SLC25A25: variants seen among roughly 807,000 people sequenced by gnomAD.
The protein encoded by SLC25A25 is solute carrier family 25 member 25, also known as mitochondrial adenyl nucleotide antiporter SLC25A25.
SLC25A25 carries 32 observed loss-of-function variants against 57.7 expected under a neutral mutation model. The ratio of observed to expected loss-of-function variants is 0.55; its 90% CI spans 0.42 to 0.74. SLC25A25 has a LOEUF of 0.74. SLC25A25 is among the 30% of genes least tolerant of loss of function. The probability of loss-of-function intolerance (pLI) is 0.00; values close to 1 mark genes in which losing one functional copy is unlikely to be tolerated. For missense variants in SLC25A25, 556 were observed against 701.3 expected (o/e 0.79, Z 2.34); for synonymous variants, 306 against 291.2 (o/e 1.05, Z -0.52).
chr9:128,096,461 A>G (rs930024391), intron 1 of SLC25A25, among the ~76,000 whole-genome samples: 2 of 152,220 alleles, frequency 1.3e-5, no homozygotes, highest in Non-Finnish European at 2.9e-5. Flanking sequence ...GTAAGCCGAG[A>G]TCGTGCCACT....
rs1311078288 is a variant in SLC25A25 at position 128,108,777 on chromosome 9, TG to T, written c.*1335del. On this transcript the variant is annotated 3_prime_UTR_variant, in exon 11 of 11. Coordinates refer to ENST00000373069, the MANE Select transcript of SLC25A25 (RefSeq NM_001330988.2). ...GGCAGCAGCCCTGGCTCCTTTCCTT[TG>T]GCAGGTTGGGGAAGGGCTTGCCCCC... is the stretch of plus-strand genomic sequence containing the variant. The T allele has an allele frequency of 6.6e-6, 1 of 152,276 alleles. No homozygotes were observed. Among genetic ancestry groups the T allele is most frequent in the Non-Finnish European group, 1.5e-5 (1 of 68,078 alleles). 9.4% of individuals were successfully genotyped at this position (152,276 alleles called of 1,614,324 possible). A position where few individuals can be genotyped will look rare whatever the true frequency, so the allele number is the denominator to read the frequency against.
At chr9:128,075,038 G>A (rs1236439149) in intron 1 of SLC25A25, among the ~76,000 whole-genome samples, 1 of 152,194 alleles carries the variant, frequency 6.6e-6, no homozygotes, top group Non-Finnish European at 1.5e-5. Context: ...TACTCAAGAG[G>A]CTGAGGGAAA....
intron 1 of SLC25A25, chr9:128,091,328 G>A: frequency 1.6e-6 from 1 of 611,788 alleles, no homozygotes; most frequent in Non-Finnish European, 2.0e-6. Flanking sequence ...CTTCATGCAG[G>A]CAATCAGCTG....
At chr9:128,091,492 G>C (rs1438169528) in intron 1 of SLC25A25, 1 of 988,110 alleles carries the variant, frequency 1.0e-6, no homozygotes, top group South Asian at 4.7e-5. Flanking sequence ...CTGGGAGCTC[G>C]AAGTTGCTTG....
At chr9:128,088,617 A>G (rs185476427) in intron 1 of SLC25A25, among the ~76,000 whole-genome samples, 2 of 152,326 alleles carry the variant, frequency 1.3e-5, no homozygotes, top group East Asian at 3.9e-4. Context: ...TACATTGTAT[A>G]CATTTCTCAG....
intron 1 of SLC25A25, among the ~76,000 whole-genome samples, chr9:128,080,349 C>CAATAA (rs1404276133): frequency 9.2e-6 from 1 of 108,660 alleles, no homozygotes; most frequent in South Asian, 3.0e-4. Context: ...GACTCCATCC[C>CAATAA]AAAAAAAAAA....
Position 128,107,191 on chromosome 9 carries a change from C to T in SLC25A25, c.1363+12C>T. The T allele has an allele frequency of 6.2e-7, 1 of 1,613,582 alleles. No individual in the cohort carries two copies. The highest frequency in any genetic ancestry group is 8.5e-7 in the Non-Finnish European group (1 of 1,179,916). On this transcript the variant is annotated intron_variant, in intron 10 of 10. Coordinates refer to ENST00000373069, the MANE Select transcript of SLC25A25 (RefSeq NM_001330988.2). The stretch of plus-strand genomic sequence containing the variant: ...GATGCAGGCGCAAGGTAAGGCTGGC[C>T]CTGGACAGTCCCCTGGGAGGTCGGG...
chr9:128,069,247 G>A (rs550407985), intron 1 of SLC25A25, among the ~76,000 whole-genome samples: 4 of 152,288 alleles, frequency 2.6e-5, no homozygotes, highest in Admixed American at 2.0e-4. Context: ...GTGGGCTCTT[G>A]GCCGAGGTGT....
intron 1 of SLC25A25, among the ~76,000 whole-genome samples, chr9:128,072,880 T>C (rs1039630671): frequency 6.6e-6 from 1 of 152,194 alleles, no homozygotes; most frequent in South Asian, 2.1e-4. Context: ...AGGCAGCCAA[T>C]TAGAGGAAGA....
rs1475356173 is a variant in SLC25A25 at position 128,107,336 on chromosome 9, G to A, written c.1440G>A (p.Gly480=). 1.3e-6 allele frequency: 2 copies of A among 1,544,352 alleles called. No individual in the cohort carries two copies. The highest frequency in any genetic ancestry group is 1.8e-6 in the Non-Finnish European group (2 of 1,141,350). ...KHILRTEGAF[G]LYRGLAPNFM... ...TCCTGCGGACCGAGGGGGCCTTCGG[G>A]CTGTACAGGGGGCTGGCCCCCAACT... Residue 480 remains glycine (G), a synonymous_variant, in exon 11 of 11, where the codon GGG becomes GGA. Coordinates refer to ENST00000373069, the MANE Select transcript of SLC25A25 (RefSeq NM_001330988.2).
rs530502443 is a variant in SLC25A25 at position 128,102,917 on chromosome 9, C to T, written c.624+436C>T. On this transcript the variant is annotated intron_variant, in intron 5 of 10. Transcript: ENST00000373069. The surrounding 1 kb of genome is among the most constrained non-coding windows in gnomAD (Gnocchi z 4.1). ...CACGGTCACACATTTGCTGCCCTCT[C>T]GCCCCCGTCCACTGTGGTTTCATGT... Among the ~76,000 whole-genome samples the T allele has an allele frequency of 3.0e-4, 45 of 152,292 alleles. No individual in the cohort carries two copies. The highest frequency in any genetic ancestry group is 5.3e-4 in the Non-Finnish European group (36 of 68,022).
At chr9:128,093,040 G>GCTTT (rs1833455376) in intron 1 of SLC25A25, among the ~76,000 whole-genome samples, 1 of 152,198 alleles carries the variant, frequency 6.6e-6, no homozygotes, top group Non-Finnish European at 1.5e-5. Flanking sequence ...GAGAAGAAAA[G>GCTTT]GAGATTCTGC....
In SLC25A25 at chr9:128,107,193, T is replaced by C. The variant is rs1249102613; in HGVS notation, c.1363+14T>C. On this transcript the variant is annotated intron_variant, in intron 10 of 10. Transcript: ENST00000373069. Reference sequence around the variant, plus strand: ...TGCAGGCGCAAGGTAAGGCTGGCCCTGGACAGTCCCCTGGGAGGTCGGGGG... The same window carrying C: ...TGCAGGCGCAAGGTAAGGCTGGCCCCGGACAGTCCCCTGGGAGGTCGGGGG... The C allele has an allele frequency of 2.5e-6, 4 of 1,613,532 alleles. No individual in the cohort carries two copies. Among genetic ancestry groups the C allele is most frequent in the African/African-American group, 2.7e-5 (2 of 75,048 alleles).
chr9:128,079,711 G>A (rs1005675361), intron 1 of SLC25A25, among the ~76,000 whole-genome samples: 3 of 151,140 alleles, frequency 2.0e-5, no homozygotes, highest in Non-Finnish European at 4.4e-5. Flanking sequence ...ACCCAGGAGG[G>A]GCCAGGCGCG....
chr9:128,075,935 T>C (rs1833001733), intron 1 of SLC25A25, among the ~76,000 whole-genome samples: 1 of 152,190 alleles, frequency 6.6e-6, no homozygotes, highest in Non-Finnish European at 1.5e-5. Flanking sequence ...CTGGTATTCA[T>C]TTCTTCATTT....
At chr9:128,070,619 G>T (rs536788602) in intron 1 of SLC25A25, among the ~76,000 whole-genome samples, 1 of 152,044 alleles carries the variant, frequency 6.6e-6, no homozygotes, top group African/African-American at 2.4e-5. Context: ...GTGAACTGGA[G>T]ATTTTCCTGT....
chr9:128,106,052 G>C, intron 7 of SLC25A25, 98 bp from the exon 8 acceptor site: 1 of 1,553,554 alleles, frequency 6.4e-7, no homozygotes, highest in South Asian at 1.1e-5. Context: ...ACATTTCTGG[G>C]TAGCATAAAA....
chr9:128,103,614 C>CCGCAA lies in SLC25A25; in HGVS notation c.625-67_625-66insCGCAA. ...GCCTGGAGCCGTGCTAGAGGGTAGA[C>CCGCAA]GGCGACAGGTGCCAGCAGCCTTGCC... On this transcript the variant is annotated intron_variant, in intron 5 of 10. Transcript: ENST00000373069. The surrounding 1 kb of genome is among the most constrained non-coding windows in gnomAD (Gnocchi z 6.7). 1 of 1,605,720 alleles carries CCGCAA rather than the reference C, an allele frequency of 6.2e-7. No individual in the cohort carries two copies. The highest frequency in any genetic ancestry group is 8.5e-7 in the Non-Finnish European group (1 of 1,173,558).
chr9:128,088,173 T>C (rs1192186652), intron 1 of SLC25A25, among the ~76,000 whole-genome samples: 3 of 152,204 alleles, frequency 2.0e-5, no homozygotes, highest in Admixed American at 6.5e-5. Context: ...GCTTGCTTTG[T>C]TGGGCGGAAC....
Sources: allele counts gnomAD v4.1 joint callset (sites outside exome capture counted in the v4.1 genomes callset), GRCh38; gene constraint gnomAD v4.1.1; non-coding constraint Gnocchi (gnomAD v3.1); transcripts MANE v1.5; gene names NCBI Gene and HGNC (gene_info 2026-07-23, HGNC 2026-07-21).